PDGFC: variants seen among roughly 807,000 people sequenced by gnomAD.
PDGFC encodes platelet-derived growth factor C.
Under a neutral mutation model 35.5 loss-of-function variants are expected in PDGFC, and 12 were observed. The observed-to-expected ratio is 0.34, with a 90% CI of 0.22 to 0.55. The LOEUF (loss-of-function observed/expected upper bound fraction) is 0.55. Among genes scored for constraint, PDGFC ranks in the 20% least tolerant of loss-of-function variants. The pLI is 0.91. For missense variants in PDGFC, 322 were observed against 412.4 expected, an observed-to-expected ratio of 0.78 and a Z score of 1.90; for synonymous variants, 159 against 148.8, an observed-to-expected ratio of 1.07 and a Z score of -0.50.
At chr4:156,959,942 C>T (rs987742053) in intron 1 of PDGFC, among the ~76,000 whole-genome samples, 4 of 151,812 alleles carry the variant, frequency 2.6e-5, no homozygotes, top group Non-Finnish European at 2.9e-5. Flanking sequence ...AATTTTTCAC[C>T]GTGAAGCAAA....
At chr4:156,798,102 G>GA (rs1279810292) in intron 3 of PDGFC, among the ~76,000 whole-genome samples, 1 of 152,156 alleles carries the variant, frequency 6.6e-6, no homozygotes, top group Non-Finnish European at 1.5e-5. Flanking sequence ...TGAGGCAGGA[G>GA]AATCACTTGA....
chr4:156,845,979 A>G (rs1253560539), intron 2 of PDGFC, among the ~76,000 whole-genome samples: 1 of 151,838 alleles, frequency 6.6e-6, no homozygotes, highest in Non-Finnish European at 1.5e-5. Flanking sequence ...AAACAATATT[A>G]GTAATAAAAC....
intron 1 of PDGFC, among the ~76,000 whole-genome samples, chr4:156,896,370 C>A (rs185471163): frequency 6.6e-6 from 1 of 151,992 alleles, no homozygotes; most frequent in Non-Finnish European, 1.5e-5. Flanking sequence ...TCAAAACAAC[C>A]CTGACAGGTG....
At chr4:156,854,428 A>T (rs1262888874) in intron 1 of PDGFC, among the ~76,000 whole-genome samples, 1 of 152,186 alleles carries the variant, frequency 6.6e-6, no homozygotes, top group Admixed American at 6.5e-5. Context: ...ATATTTAAAC[A>T]TAATTTAAAG....
chr4:156,775,160 T>C (rs999360035), intron 3 of PDGFC, among the ~76,000 whole-genome samples: 1 of 152,166 alleles, frequency 6.6e-6, no homozygotes, highest in Non-Finnish European at 1.5e-5. Context: ...CTGAAAACTC[T>C]ATTATAGATA....
At chr4:156,846,032 C>T (rs1729317799) in intron 2 of PDGFC, among the ~76,000 whole-genome samples, 1 of 151,596 alleles carries the variant, frequency 6.6e-6, no homozygotes, top group South Asian at 2.1e-4. Context: ...CTAATAAGGA[C>T]ACATTGTGAA....
chr4:156,882,037 A>C (rs1291116512), intron 1 of PDGFC, among the ~76,000 whole-genome samples: 6 of 151,994 alleles, frequency 3.9e-5, no homozygotes, highest in Non-Finnish European at 7.4e-5. Flanking sequence ...ATGGACTAAT[A>C]CACTCCCTTT....
Position 156,788,567 on chromosome 4 carries a change from A to T in PDGFC, c.496-15674T>A, listed in dbSNP as rs1178140054. On this transcript the variant is annotated intron_variant, in intron 3 of 5. Transcript: ENST00000502773. Reference sequence around the variant, plus strand: ...CAATGTGGAAAACTGGTGAAATTCAAATCCGAATTTTAATCATCTTCTAAC... The same window carrying T: ...CAATGTGGAAAACTGGTGAAATTCATATCCGAATTTTAATCATCTTCTAAC... Among the ~76,000 whole-genome samples the T allele has an allele frequency of 2.0e-5, 3 of 152,176 alleles. No homozygotes were observed. The East Asian group carries it at 5.8e-4, about 29-fold the overall frequency.
intron 3 of PDGFC, among the ~76,000 whole-genome samples, chr4:156,789,928 G>A (rs1731244076): frequency 1.5e-5 from 2 of 129,626 alleles, no homozygotes; most frequent in African/African-American, 5.9e-5. Flanking sequence ...AGTGAGCCGA[G>A]ATCATGCCAC....
At position 156,953,567 on chromosome 4, in the gene PDGFC, G is replaced by A. The variant is rs139412309; in HGVS notation, c.118+17219C>T. Among the ~76,000 whole-genome samples, 522 of 151,944 alleles carry A rather than the reference G, an allele frequency of 3.4e-3. 4 individuals are homozygous for A. The highest frequency in any genetic ancestry group is 0.012 in the African/African-American group (492 of 41,496). On this transcript the variant is annotated intron_variant, in intron 1 of 5. Transcript: ENST00000502773. Reference sequence around the variant, plus strand: ...CTTGAAAAAGTAGAGAAAAAAAGATGTACTCTCAATAGTGGTTCTGAAACT... The same window carrying A: ...CTTGAAAAAGTAGAGAAAAAAAGATATACTCTCAATAGTGGTTCTGAAACT...
intron 3 of PDGFC, among the ~76,000 whole-genome samples, chr4:156,780,204 G>A (rs961861314): frequency 6.6e-6 from 1 of 150,938 alleles, no homozygotes; most frequent in Non-Finnish European, 1.5e-5. Flanking sequence ...TCTATCAGTG[G>A]CAAGTGTTTG....
chr4:156,843,083 A>G (rs776756447), intron 2 of PDGFC, among the ~76,000 whole-genome samples: 11 of 152,188 alleles, frequency 7.2e-5, no homozygotes, highest in Non-Finnish European at 1.6e-4. Flanking sequence ...GTGTCCTTGC[A>G]AAACTCATAT....
intron 1 of PDGFC, among the ~76,000 whole-genome samples, chr4:156,941,078 A>C (rs1226177595): frequency 6.6e-6 from 1 of 152,118 alleles, no homozygotes; most frequent in African/African-American, 2.4e-5. Context: ...GGTGTAAGAG[A>C]CTCTTAAGAC....
At chr4:156,845,384 AT>A (rs1181817645) in intron 2 of PDGFC, among the ~76,000 whole-genome samples, 1 of 151,338 alleles carries the variant, frequency 6.6e-6, no homozygotes, top group African/African-American at 2.4e-5. Context: ...TAAATTAAAA[AT>A]ATATATATAT....
intron 3 of PDGFC, among the ~76,000 whole-genome samples, chr4:156,792,716 CTG>C (rs1337091956): frequency 2.6e-5 from 4 of 152,278 alleles, no homozygotes; most frequent in African/African-American, 9.6e-5. Context: ...CAATGAATAA[CTG>C]TGGTTTCCAA....
chr4:156,830,603 C>A (rs990954201), intron 2 of PDGFC, among the ~76,000 whole-genome samples: 1 of 152,114 alleles, frequency 6.6e-6, no homozygotes. Context: ...TACAGCAACT[C>A]CAGCAATAAT....
chr4:156,825,930 A>G (rs1181871360), intron 2 of PDGFC, among the ~76,000 whole-genome samples: 1 of 151,004 alleles, frequency 6.6e-6, no homozygotes, highest in East Asian at 1.9e-4. Flanking sequence ...GTGCAGTAGC[A>G]CAATCATAGT....
At chr4:156,962,924 C>T (rs1328846954) in intron 1 of PDGFC, among the ~76,000 whole-genome samples, 1 of 152,154 alleles carries the variant, frequency 6.6e-6, no homozygotes, top group Non-Finnish European at 1.5e-5. Context: ...CAACTACCCT[C>T]TAAAATGCAT....
chr4:156,879,110 C>A (rs1450418933), intron 1 of PDGFC, among the ~76,000 whole-genome samples: 1 of 152,146 alleles, frequency 6.6e-6, no homozygotes, highest in Non-Finnish European at 1.5e-5. Flanking sequence ...AGCATATCCT[C>A]AAAAATGAGC....
Sources: allele counts gnomAD v4.1 joint callset (sites outside exome capture counted in the v4.1 genomes callset), GRCh38; gene constraint gnomAD v4.1.1; transcripts MANE v1.5; gene names NCBI Gene and HGNC (gene_info 2026-07-23, HGNC 2026-07-21).